Variants in MCF2L2 observed in about 807,000 individuals in gnomAD.
MCF2L2 encodes the protein probable guanine nucleotide exchange factor MCF2L2.
A neutral mutation model predicts 150.2 loss-of-function variants in MCF2L2; 102 were observed. The observed-to-expected ratio is 0.68, with a 90% confidence interval of 0.58 to 0.80. The LOEUF (loss-of-function observed/expected upper bound fraction) is 0.80. MCF2L2 is among the 30% of genes least tolerant of loss of function. The pLI, the probability that MCF2L2 is intolerant of heterozygous loss-of-function variation, is 0.00. For synonymous variants in MCF2L2, 465 were observed against 491.3 expected, an observed-to-expected ratio of 0.95 and a Z score of 0.71; for missense variants, 1,256 against 1,372.8, an observed-to-expected ratio of 0.91 and a Z score of 1.34.
chr3:183,245,139 T>A (rs1286666252), intron 15 of MCF2L2, among the ~76,000 whole-genome samples: 1 of 152,184 alleles, frequency 6.6e-6, no homozygotes, highest in Admixed American at 6.5e-5. Flanking sequence ...TTTGATGTAA[T>A]CTTTTGTCTA....
At chr3:183,366,652 A>T (rs1345770781) in intron 3 of MCF2L2, among the ~76,000 whole-genome samples, 1 of 152,246 alleles carries the variant, frequency 6.6e-6, no homozygotes, top group African/African-American at 2.4e-5. Context: ...TCTCAAAAAA[A>T]AAAAATTATT....
At chr3:183,291,860 T>G (rs77016523) in intron 13 of MCF2L2, among the ~76,000 whole-genome samples, 1 of 152,236 alleles carries the variant, frequency 6.6e-6, no homozygotes, top group Non-Finnish European at 1.5e-5. Context: ...TTTGAAAAGC[T>G]GAGAAACAAC....
At chr3:183,295,583 C>T in intron 12 of MCF2L2, 106 bp from the exon 13 acceptor site, 2 of 1,096,594 alleles carry the variant, frequency 1.8e-6, no homozygotes, top group Non-Finnish European at 2.7e-6. Flanking sequence ...CCATCCCTAC[C>T]TCCCTCAGGT....
At chr3:183,228,490 C>CTCTTA (rs3830592) in intron 17 of MCF2L2, 124 bp from the exon 18 acceptor site, 198,629 of 587,486 alleles carry the variant, frequency 0.34, 36,725 homozygotes, top group Middle Eastern at 0.44. Flanking sequence ...GGCCTTCTTG[C>CTCTTA]TCTTATCTTC....
In MCF2L2 at chr3:183,351,229, TA is replaced by T. The variant is rs1560035029; in HGVS notation, c.276-9600del. Among the ~76,000 whole-genome samples the T allele has an allele frequency of 6.2e-3, 586 of 93,774 alleles. 1 individual carries two copies. Among genetic ancestry groups the T allele is most frequent in the African/African-American group, 0.011 (201 of 17,952 alleles). 61.5% of individuals were successfully genotyped at this position (93,774 alleles called of 152,430 possible). A position where few individuals can be genotyped will look rare whatever the true frequency, so the allele number is the denominator to read the frequency against. ...ATATATATATATATATATATATATA[TA>T]TATATATTTATTTATTTATTTATCA... is the stretch of plus-strand genomic sequence containing the variant. On this transcript the variant is annotated intron_variant, in intron 3 of 29. Transcript: ENST00000328913.
intron 10 of MCF2L2, among the ~76,000 whole-genome samples, chr3:183,301,633 AAAAC>A (rs1728852194): frequency 6.6e-6 from 1 of 152,180 alleles, no homozygotes; most frequent in African/African-American, 2.4e-5. Context: ...CATCTCTACT[AAAAC>A]AAAAAAAATT....
intron 6 of MCF2L2, among the ~76,000 whole-genome samples, chr3:183,322,684 A>G (rs1224302655): frequency 2.0e-5 from 3 of 152,164 alleles, no homozygotes; most frequent in African/African-American, 7.2e-5. Context: ...GGTTTGTTAC[A>G]TGGGTATATT....
At chr3:183,361,783 G>C (rs1193366507) in intron 3 of MCF2L2, among the ~76,000 whole-genome samples, 3 of 152,192 alleles carry the variant, frequency 2.0e-5, no homozygotes, top group Admixed American at 6.5e-5. Flanking sequence ...AAATACTTAA[G>C]TGTGAATAAG....
chr3:183,192,468 C>T (rs1268335488), intron 27 of MCF2L2, among the ~76,000 whole-genome samples: 1 of 152,184 alleles, frequency 6.6e-6, no homozygotes, highest in Non-Finnish European at 1.5e-5. Context: ...AAATAAGAGT[C>T]ACTTGAACAC....
At chr3:183,293,812 A>G (rs1728302236) in intron 13 of MCF2L2, among the ~76,000 whole-genome samples, 1 of 152,208 alleles carries the variant, frequency 6.6e-6, no homozygotes, top group African/African-American at 2.4e-5. Flanking sequence ...ATATTTCTAT[A>G]TAGAAATCTA....
intron 15 of MCF2L2, chr3:183,231,303 TG>T: frequency 1.8e-6 from 1 of 550,110 alleles, no homozygotes; most frequent in Admixed American, 2.2e-5. Context: ...CCATATAGTG[TG>T]GGGGTCAAGA....
intron 15 of MCF2L2, among the ~76,000 whole-genome samples, chr3:183,234,687 CTTTTTTT>C (rs71185647): frequency 1.2e-5 from 1 of 84,248 alleles, no homozygotes; most frequent in African/African-American, 5.2e-5. Context: ...ATGTATGACT[CTTTTTTT>C]TTTTTTTTTT....
intron 1 of MCF2L2, among the ~76,000 whole-genome samples, chr3:183,407,989 C>T (rs981313575): frequency 2.0e-5 from 3 of 152,126 alleles, no homozygotes; most frequent in Non-Finnish European, 4.4e-5. Context: ...CTGTGAAACC[C>T]TGAGGGCTAG....
chr3:183,427,061 C>CA (rs1475880952), intron 1 of MCF2L2, among the ~76,000 whole-genome samples: 1 of 152,212 alleles, frequency 6.6e-6, no homozygotes, highest in Non-Finnish European at 1.5e-5. Flanking sequence ...GGAGGACCTC[C>CA]AAGCACAGTC....
chr3:183,220,057 A>C, intron 20 of MCF2L2, 133 bp from the exon 21 acceptor site: 2 of 663,058 alleles, frequency 3.0e-6, no homozygotes, highest in Non-Finnish European at 5.5e-6. Flanking sequence ...TAAATGTGTA[A>C]GAGGGAAAGA....
chr3:183,290,120 A>G (rs948663643), intron 13 of MCF2L2, among the ~76,000 whole-genome samples: 1 of 152,220 alleles, frequency 6.6e-6, no homozygotes, highest in Non-Finnish European at 1.5e-5. Context: ...CTGAAGCACA[A>G]TCACTTAGTA....
chr3:183,290,498 A>G (rs115806875), intron 13 of MCF2L2, among the ~76,000 whole-genome samples: 3,007 of 152,092 alleles, frequency 0.02, 59 homozygotes, highest in East Asian at 0.051. Flanking sequence ...CACAGGAGAC[A>G]TGATTAATCC....
intron 15 of MCF2L2, among the ~76,000 whole-genome samples, chr3:183,255,503 T>G (rs1724961806): frequency 6.6e-6 from 1 of 152,172 alleles, no homozygotes; most frequent in Non-Finnish European, 1.5e-5. Flanking sequence ...GACTGAGCAC[T>G]CTGAGGAGGA....
chr3:183,185,072 C>T (rs1721650341), intron 27 of MCF2L2, among the ~76,000 whole-genome samples: 1 of 152,184 alleles, frequency 6.6e-6, no homozygotes, highest in Non-Finnish European at 1.5e-5. Flanking sequence ...CGCATGCCAC[C>T]ATGCCCAGCT....
Sources: gnomAD v4.1 joint callset for allele counts (sites outside exome capture counted in the v4.1 genomes callset) on GRCh38, gnomAD v4.1.1 for gene constraint, MANE v1.5 for transcripts, NCBI Gene and HGNC (gene_info 2026-07-23, HGNC 2026-07-21) for gene names.